The following IGF2BP2 variants were observed in gnomAD, a reference collection of about 807,000 sequenced individuals.
The protein encoded by IGF2BP2 is insulin like growth factor 2 mRNA binding protein 2.
A neutral mutation model predicts 75.8 loss-of-function variants in IGF2BP2; 17 were observed. The ratio of observed to expected loss-of-function variants is 0.22; its 90% confidence interval spans 0.15 to 0.34. IGF2BP2 has a LOEUF of 0.34. Among genes scored for constraint, IGF2BP2 ranks in the 10% least tolerant of loss-of-function variants. The pLI, the probability that IGF2BP2 is intolerant of heterozygous loss-of-function variation, is 1.00. For synonymous variants in IGF2BP2, 288 were observed against 295.6 expected (o/e 0.97, Z 0.26); for missense variants, 516 against 772.4 (o/e 0.67, Z 3.93).
chr3:185,752,546 T>G lies in IGF2BP2; in HGVS notation c.240-54199A>C, dbSNP rs892558804. Among the ~76,000 whole-genome samples the G allele has an allele frequency of 2.0e-5, 3 of 152,148 alleles. No individual in the cohort carries two copies. The East Asian group carries it at 5.8e-4, about 29-fold the overall frequency. On this transcript the variant is annotated intron_variant, in intron 2 of 15. Transcript: ENST00000382199. ...GAAATTAAATACAACCTGAGTACAC[T>G]TTACACACATTCCCCAGGGCCTAAA...
chr3:185,727,917 T>G (rs1200188480), intron 2 of IGF2BP2, among the ~76,000 whole-genome samples: 2 of 152,142 alleles, frequency 1.3e-5, no homozygotes, highest in African/African-American at 4.8e-5. Flanking sequence ...CTGACATGCC[T>G]CATTCCAGAG....
At position 185,800,718 on chromosome 3, in the gene IGF2BP2, A is replaced by AAAAAGAAAGAAAGAAAGAAAGAAAGAAAG. The variant is rs771868332; in HGVS notation, c.239+22434_239+22435insCTTTCTTTCTTTCTTTCTTTCTTTCTTTT. Among the ~76,000 whole-genome samples the AAAAAGAAAGAAAGAAAGAAAGAAAGAAAG allele has an allele frequency of 3.5e-3, 506 of 143,374 alleles. 3 individuals carry two copies. The highest frequency in any genetic ancestry group is 9.4e-3 in the African/African-American group (351 of 37,326). 94.1% of individuals were successfully genotyped at this position (143,374 alleles called of 152,430 possible). A position where few individuals can be genotyped will look rare whatever the true frequency, so the allele number is the denominator to read the frequency against. Reference sequence around the variant, plus strand: ...TGCCACTTGGTGACTGAGCCAAAAAAAAAGAAAGAAAGAAAGAAAGAAAGT... The same window carrying AAAAAGAAAGAAAGAAAGAAAGAAAGAAAG: ...TGCCACTTGGTGACTGAGCCAAAAAAAAAAGAAAGAAAGAAAGAAAGAAAGAAAGAAAGAAAGAAAGAAAGAAAGAAAGT... On this transcript the variant is annotated intron_variant, in intron 2 of 15. Coordinates refer to ENST00000382199, the MANE Select transcript of IGF2BP2 (RefSeq NM_006548.6).
intron 2 of IGF2BP2, among the ~76,000 whole-genome samples, chr3:185,808,106 CTCGTT>C (rs1560503467): frequency 6.9e-6 from 1 of 144,980 alleles, no homozygotes; most frequent in Admixed American, 6.8e-5. Flanking sequence ...ATGCCAAGAC[CTCGTT>C]TCTTTTAAAA....
At chr3:185,663,692 AATTG>A (rs1716842884) in intron 10 of IGF2BP2, among the ~76,000 whole-genome samples, 1 of 152,098 alleles carries the variant, frequency 6.6e-6, no homozygotes, top group South Asian at 2.1e-4. Flanking sequence ...AATTATGTTT[AATTG>A]ATCTTTTGTA....
chr3:185,791,965 T>C (rs950121710), intron 2 of IGF2BP2, among the ~76,000 whole-genome samples: 3 of 152,108 alleles, frequency 2.0e-5, no homozygotes, highest in South Asian at 2.1e-4. Context: ...CGGTAACATA[T>C]GGGAAGGAAA....
intron 7 of IGF2BP2, among the ~76,000 whole-genome samples, chr3:185,686,415 G>A (rs1319639360): frequency 6.6e-6 from 1 of 151,786 alleles, no homozygotes; most frequent in African/African-American, 2.4e-5. Flanking sequence ...GGGGTAGTGA[G>A]GAGGAAGGAC....
intron 10 of IGF2BP2, among the ~76,000 whole-genome samples, chr3:185,670,979 G>A (rs957257666): frequency 1.3e-5 from 2 of 152,194 alleles, no homozygotes; most frequent in Non-Finnish European, 2.9e-5. Flanking sequence ...CTTCTGTGGG[G>A]CTGTATGTAC....
intron 13 of IGF2BP2, among the ~76,000 whole-genome samples, chr3:185,650,808 G>A (rs889441159): frequency 6.6e-6 from 1 of 152,210 alleles, no homozygotes; most frequent in African/African-American, 2.4e-5. Context: ...ACTATTGGGA[G>A]TTAGTTCCAA....
intron 2 of IGF2BP2, among the ~76,000 whole-genome samples, chr3:185,705,255 C>T (rs1441698724): frequency 6.6e-6 from 1 of 152,202 alleles, no homozygotes; most frequent in Non-Finnish European, 1.5e-5. Context: ...TACCACCACA[C>T]CTGGCTAATT....
intron 2 of IGF2BP2, among the ~76,000 whole-genome samples, chr3:185,702,071 C>T (rs762784636): frequency 2.6e-5 from 4 of 152,178 alleles, no homozygotes; most frequent in Non-Finnish European, 4.4e-5. Flanking sequence ...CTGCACTTTT[C>T]GGTTGTTCTG....
intron 2 of IGF2BP2, among the ~76,000 whole-genome samples, chr3:185,750,022 T>C (rs181875412): frequency 2.6e-5 from 4 of 152,336 alleles, no homozygotes; most frequent in African/African-American, 9.6e-5. Flanking sequence ...TTTTGAACTT[T>C]AGCACACTTA....
chr3:185,820,430 G>C (rs373503929), intron 2 of IGF2BP2, among the ~76,000 whole-genome samples: 90 of 152,060 alleles, frequency 5.9e-4, no homozygotes, highest in African/African-American at 2.0e-3. Flanking sequence ...GAGAAAAAAA[G>C]ATTCAAACAC....
chr3:185,749,964 C>T (rs934524288), intron 2 of IGF2BP2, among the ~76,000 whole-genome samples: 2 of 152,174 alleles, frequency 1.3e-5, no homozygotes, highest in African/African-American at 4.8e-5. Flanking sequence ...GGACTTACTG[C>T]AAGAATAGAA....
In IGF2BP2 at chr3:185,744,916, A is replaced by T. The variant is rs561333427; in HGVS notation, c.240-46569T>A. The stretch of plus-strand genomic sequence containing the variant: ...AAAAATTCAACACTGCTTAATAAAG[A>T]TAAACCTAGTTTTTTTAACCAATTC... On this transcript the variant is annotated intron_variant, in intron 2 of 15. Transcript: ENST00000382199. Among the ~76,000 whole-genome samples, 150 of 152,374 alleles carry T rather than the reference A, an allele frequency of 9.8e-4. 1 individual carries two copies. Among genetic ancestry groups the T allele is most frequent in the Non-Finnish European group, 1.9e-3 (126 of 68,040 alleles).
chr3:185,803,002 A>G (rs1351873423), intron 2 of IGF2BP2, among the ~76,000 whole-genome samples: 1 of 152,216 alleles, frequency 6.6e-6, no homozygotes, highest in African/African-American at 2.4e-5. Flanking sequence ...ACTAAAATGT[A>G]TCTCAATTTT....
rs1741856631 is a variant in IGF2BP2 at position 185,825,031 on chromosome 3, T to G, written c.-71A>C. ...GCGCTCCTCGCCTCCTCCGCTGCCC[T>G]CGTCTCTCCTCCTCCTCCGCCCCCC... On this transcript the variant is annotated 5_prime_UTR_variant, in exon 1 of 16. Coordinates refer to ENST00000382199, the MANE Select transcript of IGF2BP2 (RefSeq NM_006548.6). 5 of 1,252,658 alleles carry G rather than the reference T, an allele frequency of 4.0e-6. No individual in the cohort carries two copies. In the South Asian group the frequency reaches 8.9e-5, roughly 22 times the overall value. The allele number at this position is 1,252,658 out of a possible 1,614,324, so 77.6% of individuals were successfully genotyped here. A position where few individuals can be genotyped will look rare whatever the true frequency, so the allele number is the denominator to read the frequency against.
chr3:185,813,083 T>C (rs2150023241), intron 2 of IGF2BP2, among the ~76,000 whole-genome samples: 1 of 152,324 alleles, frequency 6.6e-6, no homozygotes, highest in Non-Finnish European at 1.5e-5. Flanking sequence ...ATAATTATAT[T>C]AGAACCAATC....
intron 7 of IGF2BP2, among the ~76,000 whole-genome samples, chr3:185,685,744 A>C (rs1048885362): frequency 1.3e-5 from 2 of 152,172 alleles, no homozygotes; most frequent in African/African-American, 4.8e-5. Flanking sequence ...TCTTAGGCTC[A>C]AGCAATTCTG....
At chr3:185,820,216 G>GTA (rs200318221) in intron 2 of IGF2BP2, among the ~76,000 whole-genome samples, 5,271 of 131,794 alleles carry the variant, frequency 0.04, 149 homozygotes, top group African/African-American at 0.08. Context: ...GTGTGTGTGT[G>GTA]TATGTGTATA....
Sources: allele counts gnomAD v4.1 joint callset (sites outside exome capture counted in the v4.1 genomes callset), GRCh38; gene constraint gnomAD v4.1.1; transcripts MANE v1.5; gene names NCBI Gene and HGNC (gene_info 2026-07-23, HGNC 2026-07-21).